The following WWOX variants were observed in gnomAD, a reference collection of about 807,000 sequenced individuals.
WWOX encodes WW domain containing oxidoreductase.
Under a neutral mutation model 46.2 loss-of-function variants are expected in WWOX, and 69 were observed. The ratio of observed to expected loss-of-function variants is 1.49; its 90% CI spans 1.23 to 1.82. WWOX has a LOEUF of 1.82. WWOX is among the 40% of genes most tolerant of loss of function. The pLI, the probability that WWOX is intolerant of heterozygous loss-of-function variation, is 0.00. For missense variants in WWOX, 919 were observed against 542.6 expected (o/e 1.69, Z -6.89); for synonymous variants, 359 against 202.6 (o/e 1.77, Z -6.56).
chr16:78,113,191 C>T (rs75392771), intron 3 of WWOX, among the ~76,000 whole-genome samples: 1,845 of 152,234 alleles, frequency 0.012, 16 homozygotes, highest in Middle Eastern at 0.031. Context: ...TGTACATTCC[C>T]AGGCCCCCAC....
intron 8 of WWOX, among the ~76,000 whole-genome samples, chr16:79,156,197 T>G (rs1008386937): frequency 4.6e-5 from 7 of 152,192 alleles, no homozygotes; most frequent in Admixed American, 1.3e-4. Context: ...GGTCTCACTC[T>G]GTTGCCCAGG....
At chr16:78,668,186 A>T (rs999079601) in intron 8 of WWOX, among the ~76,000 whole-genome samples, 1 of 152,174 alleles carries the variant, frequency 6.6e-6, no homozygotes, top group Non-Finnish European at 1.5e-5. Context: ...AGGCTGGGAC[A>T]GAAGAACCAC....
chr16:78,323,301 T>A (rs553793158), intron 5 of WWOX, among the ~76,000 whole-genome samples: 50 of 152,182 alleles, frequency 3.3e-4, no homozygotes, highest in African/African-American at 1.2e-3. Context: ...GAAACGGGGT[T>A]TCACCATGTT....
chr16:78,769,066 C>T (rs946275675), intron 8 of WWOX, among the ~76,000 whole-genome samples: 2 of 152,186 alleles, frequency 1.3e-5, no homozygotes, highest in African/African-American at 2.4e-5. Flanking sequence ...GTTGGGTAGG[C>T]GCAGGGGCCA....
At chr16:78,919,639 T>C (rs1232506210) in intron 8 of WWOX, among the ~76,000 whole-genome samples, 1 of 150,242 alleles carries the variant, frequency 6.7e-6, no homozygotes, top group Non-Finnish European at 1.5e-5. Context: ...TGCCTCATGC[T>C]CCCGAATAGC....
At chr16:78,638,214 T>C (rs1002709860) in intron 8 of WWOX, among the ~76,000 whole-genome samples, 1 of 152,232 alleles carries the variant, frequency 6.6e-6, no homozygotes, top group African/African-American at 2.4e-5. Flanking sequence ...ATTCCCATTT[T>C]GCAGACAAGC....
intron 8 of WWOX, among the ~76,000 whole-genome samples, chr16:78,620,232 T>G (rs1211764941): frequency 6.6e-6 from 1 of 152,154 alleles, no homozygotes; most frequent in Non-Finnish European, 1.5e-5. Context: ...CAGCAAGCTG[T>G]TTTAATTGTG....
At chr16:78,840,741 T>C (rs1567596886) in intron 8 of WWOX, among the ~76,000 whole-genome samples, 3 of 151,894 alleles carry the variant, frequency 2.0e-5, no homozygotes, top group Non-Finnish European at 4.4e-5. Context: ...CTAGTAGGTG[T>C]GTATGTACAT....
intron 6 of WWOX, among the ~76,000 whole-genome samples, chr16:78,401,417 T>C (rs1215441935): frequency 1.3e-5 from 2 of 152,210 alleles, no homozygotes; most frequent in South Asian, 2.1e-4. Context: ...AATAATGTTT[T>C]GGTCTAGAAC....
At chr16:78,909,265 A>C (rs2045047005) in intron 8 of WWOX, among the ~76,000 whole-genome samples, 1 of 152,226 alleles carries the variant, frequency 6.6e-6, no homozygotes. Context: ...TGTACAGTCA[A>C]CATTAAGAGA....
intron 8 of WWOX, among the ~76,000 whole-genome samples, chr16:78,953,540 C>T (rs879850090): frequency 1.3e-4 from 20 of 152,160 alleles, no homozygotes; most frequent in African/African-American, 4.6e-4. Flanking sequence ...TGTTGGCTTC[C>T]TTCAGAGTCA....
intron 8 of WWOX, chr16:79,077,821 A>C (rs555431396): frequency 4.3e-4 from 66 of 151,950 alleles, no homozygotes; most frequent in African/African-American, 1.5e-3. Flanking sequence ...ATTCTCCTAA[A>C]CTCCTGCAAA....
chr16:79,145,358 G>A (rs1362943472), intron 8 of WWOX, among the ~76,000 whole-genome samples: 1 of 152,006 alleles, frequency 6.6e-6, no homozygotes, highest in African/African-American at 2.4e-5. Flanking sequence ...GTAGAGTCAA[G>A]GATTTTTTTG....
chr16:79,188,143 G>A (rs2150800970), intron 8 of WWOX, among the ~76,000 whole-genome samples: 1 of 152,284 alleles, frequency 6.6e-6, no homozygotes, highest in Non-Finnish European at 1.5e-5. Context: ...ATGTGCCACA[G>A]AAGAAAACCC....
chr16:79,111,357 T>C (rs1406410216), intron 8 of WWOX, among the ~76,000 whole-genome samples: 1 of 152,236 alleles, frequency 6.6e-6, no homozygotes, highest in Non-Finnish European at 1.5e-5. Context: ...ACCAGTGTGT[T>C]CACAGGACTT....
chr16:78,545,811 T>C (rs1303213400), intron 8 of WWOX, among the ~76,000 whole-genome samples: 2 of 152,166 alleles, frequency 1.3e-5, no homozygotes, highest in Non-Finnish European at 2.9e-5. Context: ...GACGGCCGCC[T>C]TCTTGCTCTG....
chr16:78,607,123 G>A (rs1269091561), intron 8 of WWOX, among the ~76,000 whole-genome samples: 1 of 151,884 alleles, frequency 6.6e-6, no homozygotes, highest in Non-Finnish European at 1.5e-5. Context: ...ATGAAAAGTT[G>A]ATTTTATTAA....
At chr16:78,765,334 G>A (rs931839678) in intron 8 of WWOX, among the ~76,000 whole-genome samples, 2 of 152,256 alleles carry the variant, frequency 1.3e-5, no homozygotes, top group African/African-American at 4.8e-5. Flanking sequence ...ACACTAGGGT[G>A]AGGGCTTTGC....
chr16:78,599,056 C>T (rs1031523697), intron 8 of WWOX, among the ~76,000 whole-genome samples: 1 of 152,120 alleles, frequency 6.6e-6, no homozygotes, highest in Admixed American at 6.5e-5. Flanking sequence ...CTTTGGGGCT[C>T]ACAGTTTGTT....
Sources: allele counts gnomAD v4.1 joint callset (sites outside exome capture counted in the v4.1 genomes callset), GRCh38; gene constraint gnomAD v4.1.1; transcripts MANE v1.5; gene names NCBI Gene and HGNC (gene_info 2026-07-23, HGNC 2026-07-21).